AFG2A: variants seen among roughly 807,000 people sequenced by gnomAD.
The protein encoded by AFG2A is ATPase family gene 2 protein homolog A.
At chr4:123,213,467 A>G in the AFG2A span, among the ~76,000 whole-genome samples, 1 of 152,154 alleles carries the variant, frequency 6.6e-6, no homozygotes, top group Non-Finnish European at 1.5e-5. Context: ...TAAGTAAAAG[A>G]GGACACTCCA....
the AFG2A span, chr4:122,933,535 A>G: frequency 6.5e-7 from 1 of 1,549,358 alleles, no homozygotes; most frequent in East Asian, 2.3e-5. Flanking sequence ...TTAAGTTTTA[A>G]GCTGCAAGGC....
At chr4:123,146,579 C>T in the AFG2A span, among the ~76,000 whole-genome samples, 1 of 152,080 alleles carries the variant, frequency 6.6e-6, no homozygotes, top group African/African-American at 2.4e-5. Flanking sequence ...AAATTAAGCT[C>T]TCTGTTTAAT....
At chr4:123,167,269 T>C in the AFG2A span, among the ~76,000 whole-genome samples, 2 of 150,040 alleles carry the variant, frequency 1.3e-5, no homozygotes, top group African/African-American at 2.4e-5. Flanking sequence ...TAGGTATCTA[T>C]ATATATAGCT....
the AFG2A span, among the ~76,000 whole-genome samples, chr4:122,973,758 A>G: frequency 6.6e-6 from 1 of 152,184 alleles, no homozygotes; most frequent in Non-Finnish European, 1.5e-5. Flanking sequence ...CAGCATGATG[A>G]TGGCTCACTG....
chr4:123,234,132 T>C, the AFG2A span, among the ~76,000 whole-genome samples: 145 of 152,242 alleles, frequency 9.5e-4, 1 homozygote, highest in Middle Eastern at 3.4e-3. Flanking sequence ...TTGTCTTGGC[T>C]TCAGACAGTT....
chr4:122,971,709 T>A, the AFG2A span, among the ~76,000 whole-genome samples: 474 of 151,892 alleles, frequency 3.1e-3, 1 homozygote, highest in Admixed American at 6.0e-3. Flanking sequence ...GATAAGGAGG[T>A]TTGTATCTAT....
chr4:123,097,361 T>TA, the AFG2A span, among the ~76,000 whole-genome samples: 132,846 of 147,312 alleles, frequency 0.9, 60,019 homozygotes, highest in East Asian at 0.98. Flanking sequence ...AAGTCAGAAC[T>TA]AAAAAAAAAA....
At chr4:123,182,235 A>G in the AFG2A span, among the ~76,000 whole-genome samples, 92 of 152,344 alleles carry the variant, frequency 6.0e-4, no homozygotes, top group Non-Finnish European at 1.2e-3. Flanking sequence ...ATTTCCCCTT[A>G]TAAATTTTAT....
the AFG2A span, among the ~76,000 whole-genome samples, chr4:123,198,779 A>G: frequency 2.0e-5 from 3 of 152,154 alleles, no homozygotes; most frequent in Non-Finnish European, 4.4e-5. Flanking sequence ...TTGACCTGCA[A>G]TGTATTTCTT....
At chr4:122,939,273 C>T in the AFG2A span, among the ~76,000 whole-genome samples, 4 of 151,366 alleles carry the variant, frequency 2.6e-5, no homozygotes, top group South Asian at 4.2e-4. Flanking sequence ...TTAGTAGAGA[C>T]GGGGTTTCTC....
the AFG2A span, among the ~76,000 whole-genome samples, chr4:123,070,536 C>T: frequency 6.6e-6 from 1 of 152,140 alleles, no homozygotes; most frequent in Non-Finnish European, 1.5e-5. Context: ...GCCATCTTCT[C>T]ACTGTGTCCT....
the AFG2A span, among the ~76,000 whole-genome samples, chr4:123,020,992 G>T: frequency 4.6e-5 from 7 of 152,096 alleles, no homozygotes; most frequent in Non-Finnish European, 1.0e-4. Flanking sequence ...TTGACTCATT[G>T]TCTATCACTG....
At chr4:123,290,190 T>G in the AFG2A span, among the ~76,000 whole-genome samples, 67 of 152,172 alleles carry the variant, frequency 4.4e-4, no homozygotes, top group Non-Finnish European at 8.8e-4. Flanking sequence ...TGTGCAGAAG[T>G]GTTTTAGTTT....
the AFG2A span, among the ~76,000 whole-genome samples, chr4:122,945,451 G>T: frequency 6.6e-6 from 1 of 152,270 alleles, no homozygotes; most frequent in African/African-American, 2.4e-5. Flanking sequence ...TCCGAGCCAG[G>T]TGCGGGATAT....
chr4:123,068,147 CATTAT>C, the AFG2A span, among the ~76,000 whole-genome samples: 3 of 152,148 alleles, frequency 2.0e-5, no homozygotes, highest in African/African-American at 4.8e-5. Flanking sequence ...GAAATCATTT[CATTAT>C]GTTAGTGATT....
chr4:123,282,109 G>A, the AFG2A span, among the ~76,000 whole-genome samples: 7 of 152,176 alleles, frequency 4.6e-5, no homozygotes, highest in Non-Finnish European at 8.8e-5. Flanking sequence ...TGGGCAGGCT[G>A]TGTGTATGTG....
chr4:123,184,782 C>T, the AFG2A span, among the ~76,000 whole-genome samples: 5 of 151,834 alleles, frequency 3.3e-5, no homozygotes, highest in South Asian at 4.2e-4. Flanking sequence ...GTGATCCGCC[C>T]GCCTAGGCCT....
the AFG2A span, among the ~76,000 whole-genome samples, chr4:123,051,813 G>A: frequency 2.6e-5 from 4 of 151,952 alleles, no homozygotes; most frequent in African/African-American, 9.7e-5. Context: ...GCTGCCAAGT[G>A]TATTGGATCT....
At chr4:123,309,963 G>A in the AFG2A span, among the ~76,000 whole-genome samples, 1 of 152,158 alleles carries the variant, frequency 6.6e-6, no homozygotes, top group Non-Finnish European at 1.5e-5. Flanking sequence ...CACTTTTCTT[G>A]GGAGATATTA....
Sources: allele counts gnomAD v4.1 joint callset (sites outside exome capture counted in the v4.1 genomes callset), GRCh38; gene constraint gnomAD v4.1.1; transcripts MANE v1.5; gene names NCBI Gene and HGNC (gene_info 2026-07-23, HGNC 2026-07-21).